The following OXCT1 variants were observed in gnomAD, a reference collection of about 807,000 sequenced individuals.
The protein encoded by OXCT1 is succinyl-CoA:3-ketoacid coenzyme A transferase 1, mitochondrial.
Under a neutral mutation model 69.6 loss-of-function variants are expected in OXCT1, and 27 were observed. That is an observed-to-expected ratio of 0.39 (90% CI 0.29 to 0.54). The LOEUF (loss-of-function observed/expected upper bound fraction) is 0.54, where lower values mean the gene tolerates loss of function less well. Ranked by LOEUF, OXCT1 falls within the 20% of genes least tolerant of loss-of-function variation. The pLI, the probability that OXCT1 is intolerant of heterozygous loss-of-function variation, is 0.72. For missense variants in OXCT1, 437 were observed against 650.2 expected (o/e 0.67, Z 3.57); for synonymous variants, 202 against 217.8 (o/e 0.93, Z 0.64).
At chr5:41,820,523 T>C (rs887903222) in intron 7 of OXCT1, among the ~76,000 whole-genome samples, 1 of 152,220 alleles carries the variant, frequency 6.6e-6, no homozygotes, top group Non-Finnish European at 1.5e-5. Flanking sequence ...TGTTTTACTA[T>C]AACTTAAAAT....
At chr5:41,810,457 C>T (rs1403951425) in intron 7 of OXCT1, among the ~76,000 whole-genome samples, 1 of 152,042 alleles carries the variant, frequency 6.6e-6, no homozygotes, top group Admixed American at 6.6e-5. Flanking sequence ...TAAGAACAAC[C>T]CGGACTTCTC....
At chr5:41,766,038 T>C (rs1005237426) in intron 13 of OXCT1, among the ~76,000 whole-genome samples, 5 of 152,146 alleles carry the variant, frequency 3.3e-5, no homozygotes, top group East Asian at 1.9e-4. Context: ...CTGGGAATGA[T>C]TGAAGCATTG....
intron 14 of OXCT1, 130 bp from the exon 15 acceptor site, chr5:41,749,737 G>T (rs958240446): frequency 2.9e-6 from 2 of 679,170 alleles, no homozygotes; most frequent in Non-Finnish European, 5.3e-6. Context: ...CAGAATTTTT[G>T]CACAGTTACA....
chr5:41,832,648 C>T (rs1400929995), intron 7 of OXCT1, among the ~76,000 whole-genome samples: 2 of 152,034 alleles, frequency 1.3e-5, no homozygotes. Context: ...TCTAGGGAAG[C>T]ATGACCTCAC....
intron 7 of OXCT1, among the ~76,000 whole-genome samples, chr5:41,820,798 T>G (rs1376989929): frequency 6.6e-6 from 1 of 152,146 alleles, no homozygotes; most frequent in East Asian, 1.9e-4. Flanking sequence ...TAAAATGCCT[T>G]AAGTCTTCTC....
At position 41,730,440 on chromosome 5, in the gene OXCT1, C is replaced by A. The variant is rs1742560498; in HGVS notation, c.*1289G>T. On this transcript the variant is annotated 3_prime_UTR_variant, in exon 17 of 17. Transcript: ENST00000196371. Reference sequence around the variant, plus strand: ...CCTGAAAAGAAGTGAGTTTCAATGACCATCATCACCTAAAAACATGAATAA... The same window carrying A: ...CCTGAAAAGAAGTGAGTTTCAATGAACATCATCACCTAAAAACATGAATAA... 1 of 152,174 alleles carries A rather than the reference C, an allele frequency of 6.6e-6. No homozygotes were observed. Among genetic ancestry groups the A allele is most frequent in the African/African-American group, 2.4e-5 (1 of 41,424 alleles). The allele number at this position is 152,174 out of a possible 1,614,324, so 9.4% of individuals were successfully genotyped here. A position where few individuals can be genotyped will look rare whatever the true frequency, so the allele number is the denominator to read the frequency against.
At chr5:41,854,956 G>T (rs190349019) in intron 3 of OXCT1, among the ~76,000 whole-genome samples, 8 of 152,224 alleles carry the variant, frequency 5.3e-5, no homozygotes, top group Admixed American at 4.6e-4. Context: ...GCATACTTAG[G>T]TTCATCACAA....
At chr5:41,851,469 C>T (rs1239196028) in intron 4 of OXCT1, among the ~76,000 whole-genome samples, 1 of 152,126 alleles carries the variant, frequency 6.6e-6, no homozygotes, top group South Asian at 2.1e-4. Context: ...TATATATACC[C>T]TCCCTGAATA....
At chr5:41,805,929 A>G (rs1440306309) in intron 8 of OXCT1, among the ~76,000 whole-genome samples, 1 of 152,090 alleles carries the variant, frequency 6.6e-6, no homozygotes, top group African/African-American at 2.4e-5. Flanking sequence ...TGTTTGAAGC[A>G]AATAATCTGT....
intron 1 of OXCT1, among the ~76,000 whole-genome samples, chr5:41,866,035 C>A (rs142822346): frequency 0.014 from 1,991 of 139,676 alleles, 127 homozygotes; most frequent in South Asian, 0.087. Context: ...CCCCCCCCCA[C>A]CGCTTATCCA....
chr5:41,789,896 C>T (rs1446111595), intron 13 of OXCT1, among the ~76,000 whole-genome samples: 1 of 152,092 alleles, frequency 6.6e-6, no homozygotes, highest in Non-Finnish European at 1.5e-5. Flanking sequence ...GTTTTATAAC[C>T]AGGAATACTA....
chr5:41,740,478 T>A (rs1561353782), intron 15 of OXCT1, among the ~76,000 whole-genome samples: 2 of 152,234 alleles, frequency 1.3e-5, no homozygotes. Flanking sequence ...AAACATTCCA[T>A]CATTCTGGTC....
intron 13 of OXCT1, among the ~76,000 whole-genome samples, chr5:41,789,352 C>T (rs535728508): frequency 1.3e-5 from 2 of 152,290 alleles, no homozygotes; most frequent in South Asian, 4.1e-4. Flanking sequence ...GTTAGAATAT[C>T]AGCTCCATAA....
intron 13 of OXCT1, among the ~76,000 whole-genome samples, chr5:41,771,038 T>C (rs1744849754): frequency 1.3e-5 from 2 of 152,194 alleles, no homozygotes; most frequent in South Asian, 4.1e-4. Flanking sequence ...AGAGTCTTCA[T>C]TCATCTATTG....
intron 7 of OXCT1, among the ~76,000 whole-genome samples, chr5:41,833,112 T>C (rs1487147358): frequency 6.6e-6 from 1 of 152,036 alleles, no homozygotes; most frequent in Non-Finnish European, 1.5e-5. Flanking sequence ...TAACAAAATG[T>C]CCCAAACCTA....
chr5:41,780,550 C>A (rs1399296021), intron 13 of OXCT1, among the ~76,000 whole-genome samples: 2 of 152,058 alleles, frequency 1.3e-5, no homozygotes, highest in Non-Finnish European at 2.9e-5. Flanking sequence ...TGATTAAATT[C>A]AAAATATTTT....
intron 9 of OXCT1, 66 bp downstream of exon 9, chr5:41,805,501 T>C (rs1416114005): frequency 2.9e-6 from 3 of 1,027,082 alleles, no homozygotes; most frequent in East Asian, 2.4e-5. Flanking sequence ...AGAGGTCTAA[T>C]AGCCTGATCA....
intron 13 of OXCT1, among the ~76,000 whole-genome samples, chr5:41,788,000 A>T (rs1301005989): frequency 6.6e-6 from 1 of 152,142 alleles, no homozygotes; most frequent in Admixed American, 6.5e-5. Flanking sequence ...AATATAAAAG[A>T]TTTTTCCTCA....
rs547593018 is a variant in OXCT1 at position 41,762,288 on chromosome 5, A to T, written c.1249-88T>A. On this transcript the variant is annotated intron_variant, in intron 13 of 16. Transcript: ENST00000196371. This position sits in a 1 kb window ranked among gnomAD's most constrained non-coding sequence, Gnocchi z 4.0. ...TTAACTTGCAAAAATAAGCTACTAG[A>T]ATCATTAAAAACTCATTGTCCTTCA... is the stretch of plus-strand genomic sequence containing the variant. 3.0e-6 allele frequency: 3 copies of T among 1,012,452 alleles called. No homozygotes were observed. In the South Asian group the frequency reaches 3.8e-5, roughly 13 times the overall value. 62.7% of individuals were successfully genotyped at this position (1,012,452 alleles called of 1,614,324 possible). A position where few individuals can be genotyped will look rare whatever the true frequency, so the allele number is the denominator to read the frequency against.
Sources: allele counts gnomAD v4.1 joint callset (sites outside exome capture counted in the v4.1 genomes callset), GRCh38; gene constraint gnomAD v4.1.1; non-coding constraint Gnocchi (gnomAD v3.1); transcripts MANE v1.5; gene names NCBI Gene and HGNC (gene_info 2026-07-23, HGNC 2026-07-21).